MTUS2: variants seen among roughly 807,000 people sequenced by gnomAD.
MTUS2 encodes the protein microtubule-associated tumor suppressor candidate 2.
MTUS2 carries 40 observed loss-of-function variants against 114.1 expected under a neutral mutation model. The observed-to-expected ratio is 0.35, with a 90% confidence interval of 0.27 to 0.46. The LOEUF (loss-of-function observed/expected upper bound fraction) is 0.46, where lower values mean the gene tolerates loss of function less well. MTUS2 is among the 20% of genes least tolerant of loss of function. MTUS2 has a pLI of 1.00. For missense variants in MTUS2, 1,679 were observed against 1,705.4 expected (o/e 0.98, Z 0.27); for synonymous variants, 688 against 672.0 (o/e 1.02, Z -0.37).
chr13:29,428,919 T>C, intron 8 of MTUS2: 1 of 1,610,444 alleles, frequency 6.2e-7, no homozygotes. Context: ...CCCTCTCTCT[T>C]CTTCCCCCTC....
At chr13:28,828,537 T>C (rs1000226036) in intron 1 of MTUS2, among the ~76,000 whole-genome samples, 1 of 152,238 alleles carries the variant, frequency 6.6e-6, no homozygotes, top group Non-Finnish European at 1.5e-5. Context: ...TAAGAAATTA[T>C]AAAATTATTA....
intron 5 of MTUS2, among the ~76,000 whole-genome samples, chr13:29,215,331 A>G (rs1302129552): frequency 1.3e-5 from 2 of 151,846 alleles, no homozygotes; most frequent in Non-Finnish European, 2.9e-5. Flanking sequence ...TGGAGGAGTT[A>G]GTTATTACCC....
chr13:29,464,181 A>G (rs980872214), intron 9 of MTUS2, among the ~76,000 whole-genome samples: 1 of 152,204 alleles, frequency 6.6e-6, no homozygotes, highest in Admixed American at 6.5e-5. Flanking sequence ...ACAGGTGTGG[A>G]GAGGACGGCT....
At chr13:29,204,968 G>A (rs564092555) in intron 5 of MTUS2, among the ~76,000 whole-genome samples, 1 of 152,248 alleles carries the variant, frequency 6.6e-6, no homozygotes, top group South Asian at 2.1e-4. Flanking sequence ...GGAAGCTCAA[G>A]CCTCCCTCCT....
intron 5 of MTUS2, among the ~76,000 whole-genome samples, chr13:29,152,819 C>T (rs112184682): frequency 2.2e-3 from 338 of 152,128 alleles, no homozygotes; most frequent in African/African-American, 7.2e-3. Flanking sequence ...TGTCAGAAAC[C>T]GCAATGAGTC....
chr13:29,367,727 C>T (rs973464738), intron 8 of MTUS2, among the ~76,000 whole-genome samples: 8 of 152,104 alleles, frequency 5.3e-5, no homozygotes, highest in Admixed American at 4.6e-4. Context: ...CACCCCAGCC[C>T]CAGCAACACC....
At chr13:28,910,332 C>T (rs575891597) in intron 2 of MTUS2, among the ~76,000 whole-genome samples, 127 of 152,232 alleles carry the variant, frequency 8.3e-4, no homozygotes, top group Admixed American at 2.0e-3. Context: ...ATCTCCAGTT[C>T]CATCCTTCCA....
In MTUS2 at chr13:28,869,631, C is replaced by T. The variant is rs564464791; in HGVS notation, c.-243+29781C>T. ...CTAAAAATACAAAAAATTAGCTGGG[C>T]GTGGTGGTGCGTGCCTGTAGTTCCA... On this transcript the variant is annotated intron_variant, in intron 2 of 15. Transcript: ENST00000612955. Among the ~76,000 whole-genome samples, 1,017 of 152,102 alleles carry T rather than the reference C, an allele frequency of 6.7e-3. 9 individuals are homozygous for T. The highest frequency in any genetic ancestry group is 0.024 in the African/African-American group (981 of 41,480).
At position 29,375,537 on chromosome 13, in the gene MTUS2, ACG is replaced by A. The variant is rs1338573293; in HGVS notation, c.3117+16065_3117+16066del. ...CTACTATATATATATATATATATAT[ACG>A]TGTATATATATATATATACGTATAT... On this transcript the variant is annotated intron_variant, in intron 8 of 15. Coordinates refer to ENST00000612955, the MANE Select transcript of MTUS2 (RefSeq NM_001033602.4). Among the ~76,000 whole-genome samples the A allele has an allele frequency of 1.2e-3, 76 of 62,736 alleles. 3 individuals are homozygous for A. Among genetic ancestry groups the A allele is most frequent in the Middle Eastern group, 6.9e-3 (1 of 144 alleles). 41.2% of individuals were successfully genotyped at this position (62,736 alleles called of 152,430 possible). A position where few individuals can be genotyped will look rare whatever the true frequency, so the allele number is the denominator to read the frequency against.
intron 4 of MTUS2, among the ~76,000 whole-genome samples, chr13:29,087,007 G>A (rs374796972): frequency 6.6e-6 from 1 of 152,174 alleles, no homozygotes; most frequent in Admixed American, 6.5e-5. Context: ...TTCTGAAGGA[G>A]TCTTTAGGGT....
At chr13:29,215,913 A>T (rs1895660824) in intron 5 of MTUS2, among the ~76,000 whole-genome samples, 1 of 152,160 alleles carries the variant, frequency 6.6e-6, no homozygotes, top group Non-Finnish European at 1.5e-5. Flanking sequence ...CTGTGCTGGG[A>T]GATCTGCTGC....
rs1312660281 is a variant in MTUS2, at chr13:29,390,138, CTA to C, written c.3117+30676_3117+30677del. On this transcript the variant is annotated intron_variant, in intron 8 of 15. Transcript: ENST00000612955. ...ATACACACACAAACATATATACTGA[CTA>C]TATATATATACACACACACACTTGT... Among the ~76,000 whole-genome samples the C allele has an allele frequency of 3.0e-4, 40 of 134,066 alleles. 1 individual carries two copies. The highest frequency in any genetic ancestry group is 7.2e-4 in the Admixed American group (9 of 12,468). 88.0% of individuals were successfully genotyped at this position (134,066 alleles called of 152,430 possible).
At chr13:29,324,562 A>G in intron 6 of MTUS2, 51 bp from the exon 7 acceptor site, 6 of 1,375,490 alleles carry the variant, frequency 4.4e-6, no homozygotes, top group Non-Finnish European at 6.0e-6. Context: ...TTGCCATTTC[A>G]ATTTTAAGTA....
At chr13:28,886,945 G>T (rs1593271519) in intron 2 of MTUS2, among the ~76,000 whole-genome samples, 1 of 152,208 alleles carries the variant, frequency 6.6e-6, no homozygotes. Flanking sequence ...GGCTTGGCAG[G>T]TTGGAGCGCT....
At chr13:29,404,590 A>G (rs1194063906) in intron 8 of MTUS2, among the ~76,000 whole-genome samples, 1 of 152,168 alleles carries the variant, frequency 6.6e-6, no homozygotes, top group Non-Finnish European at 1.5e-5. Context: ...CCACAGGTGG[A>G]TTTGTGGCTT....
In MTUS2 at chr13:29,154,565, G is replaced by A. The variant is rs886555156; in HGVS notation, c.2644+53595G>A. Among the ~76,000 whole-genome samples the A allele has an allele frequency of 4.6e-5, 7 of 152,144 alleles. No individual in the cohort carries two copies. The South Asian group carries it at 1.0e-3, about 23-fold the overall frequency. On this transcript the variant is annotated intron_variant, in intron 5 of 15. Transcript: ENST00000612955. ...CAATGATAGTGCAAAATGGGATTTC[G>A]GCACAGCTAACACTGGAATGCCAGA...
At chr13:29,357,682 A>G (rs1869864542) in intron 7 of MTUS2, among the ~76,000 whole-genome samples, 1 of 152,232 alleles carries the variant, frequency 6.6e-6, no homozygotes, top group Non-Finnish European at 1.5e-5. Context: ...TTTGCCTACA[A>G]CAAGCAAGTG....
At chr13:29,325,515 G>T (rs200249935) in intron 7 of MTUS2, among the ~76,000 whole-genome samples, 4 of 135,996 alleles carry the variant, frequency 2.9e-5, no homozygotes, top group Non-Finnish European at 4.6e-5. Flanking sequence ...AGGAGAAGGA[G>T]GAGGAGGAGG....
At chr13:29,234,995 C>T (rs146041598) in intron 5 of MTUS2, among the ~76,000 whole-genome samples, 467 of 152,134 alleles carry the variant, frequency 3.1e-3, no homozygotes, top group African/African-American at 0.011. Flanking sequence ...TAATTTAATG[C>T]ATATTGTTAA....
Sources: gnomAD v4.1 joint callset for allele counts (sites outside exome capture counted in the v4.1 genomes callset) on GRCh38, gnomAD v4.1.1 for gene constraint, MANE v1.5 for transcripts, NCBI Gene and HGNC (gene_info 2026-07-23, HGNC 2026-07-21) for gene names.